The following FHIP1A variants were observed in gnomAD, a reference collection of about 807,000 sequenced individuals.
The protein encoded by FHIP1A is FHF complex subunit HOOK-interacting protein 1A.
In FHIP1A, 61 loss-of-function variants were observed where a neutral mutation model predicts 88.6. The ratio of observed to expected loss-of-function variants is 0.69; its 90% CI spans 0.56 to 0.85. The LOEUF (loss-of-function observed/expected upper bound fraction) is 0.85. FHIP1A is among the 40% of genes least tolerant of loss of function. The pLI, the probability that FHIP1A is intolerant of heterozygous loss-of-function variation, is 0.00. For missense variants in FHIP1A, 1,154 were observed against 1,273.5 expected (o/e 0.91, Z 1.43); for synonymous variants, 478 against 496.0 (o/e 0.96, Z 0.48).
intron 5 of FHIP1A, among the ~76,000 whole-genome samples, chr4:151,578,576 C>G (rs149517292): frequency 6.6e-6 from 1 of 152,096 alleles, no homozygotes; most frequent in Non-Finnish European, 1.5e-5. Flanking sequence ...AGTTAGTGTG[C>G]AGGGGCCACG....
rs934883582 is a variant in FHIP1A, at chr4:151,577,998, A to G, written c.654A>G (p.Ala218=). ...EGSVGQQARD[A]LLFIMSLSAE... ...CAGTAGGCCAGCAAGCTCGGGATGC[A>G]TTGCTCTTCATCATGTCTCTTTCTG... The change falls in exon 5 of 14, where the codon GCA becomes GCG. Residue 218 remains alanine, a synonymous_variant. Transcript: ENST00000435205. 4 of 1,550,620 alleles carry G rather than the reference A, an allele frequency of 2.6e-6. No homozygotes were observed. The highest frequency in any genetic ancestry group is 3.5e-6 in the Non-Finnish European group (4 of 1,146,762).
chr4:151,515,205 A>C (rs1201978006), intron 3 of FHIP1A, among the ~76,000 whole-genome samples: 1 of 151,668 alleles, frequency 6.6e-6, no homozygotes, highest in Non-Finnish European at 1.5e-5. Flanking sequence ...GACAAAAACC[A>C]CATGATTATC....
chr4:151,561,947 T>G (rs1733189282), intron 3 of FHIP1A, among the ~76,000 whole-genome samples: 1 of 152,182 alleles, frequency 6.6e-6, no homozygotes, highest in Non-Finnish European at 1.5e-5. Context: ...GTATAACAGT[T>G]GTGATAAAGT....
At chr4:151,472,858 A>G (rs1729573562) in intron 2 of FHIP1A, among the ~76,000 whole-genome samples, 1 of 152,140 alleles carries the variant, frequency 6.6e-6, no homozygotes, top group African/African-American at 2.4e-5. Context: ...TGAATGCTGA[A>G]ATGTAGACTG....
At position 151,656,429 on chromosome 4, in the gene FHIP1A, C is replaced by T. The variant is rs1737242469; in HGVS notation, c.2730+19C>T. ...CTATCAGGTATGTTAGCTGAACCCA[C>T]ATCCACACCTGTTGATTTTGTGGGT... On this transcript the variant is annotated intron_variant, in intron 12 of 13. Coordinates refer to ENST00000435205, the MANE Select transcript of FHIP1A (RefSeq NM_001109977.3). This position sits in a 1 kb window ranked among gnomAD's most constrained non-coding sequence, Gnocchi z 4.2. The T allele has an allele frequency of 6.5e-7, 1 of 1,547,462 alleles. No homozygotes were observed. Among genetic ancestry groups the T allele is most frequent in the African/African-American group, 1.4e-5 (1 of 72,976 alleles).
At chr4:151,480,678 G>A (rs1282345628) in intron 2 of FHIP1A, among the ~76,000 whole-genome samples, 1 of 152,012 alleles carries the variant, frequency 6.6e-6, no homozygotes, top group Non-Finnish European at 1.5e-5. Context: ...ACTGAAGAAG[G>A]CTGATTTGAG....
At chr4:151,469,154 T>G (rs1165430849) in intron 2 of FHIP1A, among the ~76,000 whole-genome samples, 6 of 152,358 alleles carry the variant, frequency 3.9e-5, no homozygotes, top group African/African-American at 1.4e-4. Context: ...ATAATAGTTT[T>G]AAGAAGTGTT....
chr4:151,560,771 C>T (rs553917904), intron 3 of FHIP1A, among the ~76,000 whole-genome samples: 1 of 152,166 alleles, frequency 6.6e-6, no homozygotes, highest in South Asian at 2.1e-4. Flanking sequence ...TCTGTTCAAT[C>T]GCCAAGGAGC....
chr4:151,454,078 A>G (rs776118811), intron 1 of FHIP1A, among the ~76,000 whole-genome samples: 15 of 152,240 alleles, frequency 9.9e-5, no homozygotes, highest in Non-Finnish European at 2.1e-4. Flanking sequence ...ATAGGAATGT[A>G]CATAATATAC....
rs192709173 is a variant in FHIP1A at position 151,596,236 on chromosome 4, T to C, written c.978+7310T>C. On this transcript the variant is annotated intron_variant, in intron 7 of 13. Coordinates refer to ENST00000435205, the MANE Select transcript of FHIP1A (RefSeq NM_001109977.3). ...GCAGGCCTGGTGGTGACAAAATCTTTCCGCATTTGCTTGTCTGTAAAGGAT... is the reference window on the plus strand; with the variant it reads ...GCAGGCCTGGTGGTGACAAAATCTTCCCGCATTTGCTTGTCTGTAAAGGAT... 5.3e-5 allele frequency among the ~76,000 whole-genome samples: 8 copies of C among 152,358 alleles called. No homozygotes were observed. The East Asian group carries it at 1.5e-3, about 29-fold the overall frequency.
chr4:151,608,573 T>C (rs1035044962), intron 7 of FHIP1A, among the ~76,000 whole-genome samples: 2 of 152,208 alleles, frequency 1.3e-5, no homozygotes, highest in Non-Finnish European at 2.9e-5. Context: ...ACCCAGGTGC[T>C]CCAGTGACCA....
intron 3 of FHIP1A, among the ~76,000 whole-genome samples, chr4:151,523,554 T>C (rs1157654468): frequency 1.3e-5 from 2 of 152,134 alleles, no homozygotes; most frequent in Non-Finnish European, 2.9e-5. Context: ...AGGGGCTATG[T>C]TTTTGTATTC....
intron 7 of FHIP1A, among the ~76,000 whole-genome samples, chr4:151,625,574 C>T (rs917275293): frequency 4.6e-5 from 7 of 152,148 alleles, no homozygotes; most frequent in African/African-American, 9.7e-5. Flanking sequence ...TTCACTCATA[C>T]GCCGTGCAAT....
intron 7 of FHIP1A, among the ~76,000 whole-genome samples, chr4:151,614,397 A>T (rs1024750770): frequency 6.7e-6 from 1 of 149,938 alleles, no homozygotes; most frequent in African/African-American, 2.5e-5. Context: ...TGACCCTGGG[A>T]CCTCGAGGCT....
intron 3 of FHIP1A, among the ~76,000 whole-genome samples, chr4:151,538,438 A>G (rs184831571): frequency 6.6e-6 from 1 of 152,290 alleles, no homozygotes; most frequent in East Asian, 1.9e-4. Context: ...TAAAATGCAG[A>G]TTCCTGGATT....
chr4:151,553,483 A>G (rs548693456), intron 3 of FHIP1A, among the ~76,000 whole-genome samples: 1 of 152,326 alleles, frequency 6.6e-6, no homozygotes, highest in East Asian at 1.9e-4. Flanking sequence ...ATTAATTGAG[A>G]TACTTTAAGT....
At chr4:151,493,561 G>A (rs1479716782) in intron 3 of FHIP1A, among the ~76,000 whole-genome samples, 1 of 151,970 alleles carries the variant, frequency 6.6e-6, no homozygotes, top group Non-Finnish European at 1.5e-5. Context: ...TAACATAGAA[G>A]CAAAAATCCT....
chr4:151,462,545 G>A (rs1332177498), intron 2 of FHIP1A, among the ~76,000 whole-genome samples: 1 of 152,140 alleles, frequency 6.6e-6, no homozygotes. Flanking sequence ...AGAAATGGTG[G>A]AATTTTTGGC....
rs139085433 is a variant in FHIP1A at position 151,639,784 on chromosome 4, C to T, written c.1226+1028C>T. On this transcript the variant is annotated intron_variant, in intron 9 of 13. Transcript: ENST00000435205. Reference sequence around the variant, plus strand: ...TCTTCTGGTGGTGTGGAAGCAAAAACGAAAAAGTGGGACTACCAGGGTCCT... The same window carrying T: ...TCTTCTGGTGGTGTGGAAGCAAAAATGAAAAAGTGGGACTACCAGGGTCCT... 2.1e-3 allele frequency among the ~76,000 whole-genome samples: 320 copies of T among 152,176 alleles called. 2 individuals are homozygous for T. The highest frequency in any genetic ancestry group is 3.4e-3 in the Non-Finnish European group (231 of 67,978).
Sources: gnomAD v4.1 joint callset for allele counts (sites outside exome capture counted in the v4.1 genomes callset) on GRCh38, gnomAD v4.1.1 for gene constraint, Gnocchi (gnomAD v3.1) non-coding constraint, MANE v1.5 for transcripts, NCBI Gene and HGNC (gene_info 2026-07-23, HGNC 2026-07-21) for gene names.